CLVS1: variants seen among roughly 807,000 people sequenced by gnomAD.
The protein encoded by CLVS1 is clavesin 1.
A neutral mutation model predicts 33.1 loss-of-function variants in CLVS1; 10 were observed. The ratio of observed to expected loss-of-function variants is 0.30; its 90% confidence interval spans 0.19 to 0.51. CLVS1 has a LOEUF of 0.51. CLVS1 is among the 20% of genes least tolerant of loss of function. CLVS1 has a pLI of 0.97. For missense variants in CLVS1, 343 were observed against 433.4 expected (o/e 0.79, Z 1.85); for synonymous variants, 163 against 166.1 (o/e 0.98, Z 0.14).
intron 2 of CLVS1, among the ~76,000 whole-genome samples, chr8:61,279,401 C>G (rs1809625926): frequency 6.6e-6 from 1 of 152,224 alleles, no homozygotes; most frequent in African/African-American, 2.4e-5. Flanking sequence ...CCAATTCCCT[C>G]TTTTTCTAAT....
At chr8:61,086,816 A>G (rs1391560866) in intron 1 of CLVS1, among the ~76,000 whole-genome samples, 3 of 152,208 alleles carry the variant, frequency 2.0e-5, no homozygotes, top group African/African-American at 7.2e-5. Context: ...AGGAACTATA[A>G]TCCTAACAGT....
chr8:61,112,704 C>A (rs10108877), intron 1 of CLVS1, among the ~76,000 whole-genome samples: 58,535 of 151,958 alleles, frequency 0.39, 12,408 homozygotes, highest in East Asian at 0.82. Flanking sequence ...CTTGATTGAA[C>A]CTCAGACTGG....
At chr8:61,085,328 G>A (rs1805097834) in intron 1 of CLVS1, among the ~76,000 whole-genome samples, 1 of 152,154 alleles carries the variant, frequency 6.6e-6, no homozygotes, top group Admixed American at 6.5e-5. Context: ...AAACATGTAA[G>A]TAGGTCTATG....
chr8:61,500,253 T>TGA lies in CLVS1; in HGVS notation c.*713_*714dup, dbSNP rs1489473148. Reference sequence around the variant, plus strand: ...ATACGATTATTTCATCTGAGCAATGTGAGTTACCACAGGCAGCTCAAAAGC... The same window carrying TGA: ...ATACGATTATTTCATCTGAGCAATGTGAGAGTTACCACAGGCAGCTCAAAAGC... On this transcript the variant is annotated 3_prime_UTR_variant, in exon 6 of 6. Coordinates refer to ENST00000325897, the MANE Select transcript of CLVS1 (RefSeq NM_173519.3). The TGA allele has an allele frequency of 6.6e-6, 1 of 152,274 alleles. No homozygotes were observed. The highest frequency in any genetic ancestry group is 1.5e-5 in the Non-Finnish European group (1 of 68,048). 9.4% of individuals were successfully genotyped at this position (152,274 alleles called of 1,614,324 possible).
intron 1 of CLVS1, among the ~76,000 whole-genome samples, chr8:61,088,339 A>G (rs1805162505): frequency 6.6e-6 from 1 of 152,050 alleles, no homozygotes; most frequent in African/African-American, 2.4e-5. Context: ...AAATACAAAA[A>G]ATTAGCCAGG....
At chr8:61,332,046 G>T (rs1444479736) in intron 2 of CLVS1, among the ~76,000 whole-genome samples, 1 of 152,208 alleles carries the variant, frequency 6.6e-6, no homozygotes, top group Non-Finnish European at 1.5e-5. Context: ...CAGCACGCTA[G>T]CTTTGCATTG....
At position 61,314,933 on chromosome 8, in the gene CLVS1, A is replaced by C. The variant is rs1810961232; in HGVS notation, c.455+14651A>C. ...GAAACCATGGGGAATCCCAATAAAT[A>C]AAGTAAATGATCTGTAGCCGTGCAT... is the stretch of plus-strand genomic sequence containing the variant. On this transcript the variant is annotated intron_variant, in intron 2 of 5. Coordinates refer to ENST00000325897, the MANE Select transcript of CLVS1 (RefSeq NM_173519.3). Among the ~76,000 whole-genome samples the C allele has an allele frequency of 2.6e-5, 4 of 152,326 alleles. No homozygotes were observed. In the South Asian group the frequency reaches 8.3e-4, roughly 32 times the overall value.
intron 3 of CLVS1, among the ~76,000 whole-genome samples, chr8:61,436,353 C>T (rs1419651940): frequency 1.3e-5 from 2 of 152,202 alleles, no homozygotes; most frequent in African/African-American, 4.8e-5. Flanking sequence ...TATTTAGCTG[C>T]ACTTGCCATC....
At chr8:61,332,600 T>G (rs1357849750) in intron 2 of CLVS1, among the ~76,000 whole-genome samples, 1 of 152,224 alleles carries the variant, frequency 6.6e-6, no homozygotes, top group Admixed American at 6.5e-5. Flanking sequence ...TTTACTCTTA[T>G]GTAAATGGAG....
intron 2 of CLVS1, among the ~76,000 whole-genome samples, chr8:61,270,613 G>T (rs984196496): frequency 6.6e-6 from 1 of 152,138 alleles, no homozygotes; most frequent in Non-Finnish European, 1.5e-5. Context: ...TTGTACCTCT[G>T]GTAGAATTCA....
chr8:61,358,352 C>T (rs749811487), intron 2 of CLVS1, among the ~76,000 whole-genome samples: 4 of 152,178 alleles, frequency 2.6e-5, no homozygotes, highest in Non-Finnish European at 4.4e-5. Context: ...ACACTGTGTG[C>T]AAGCCTTGTT....
At chr8:61,023,143 G>A in the CLVS1 span, among the ~76,000 whole-genome samples, 1 of 152,322 alleles carries the variant, frequency 6.6e-6, no homozygotes, top group South Asian at 2.1e-4. Flanking sequence ...TAGGAGATGA[G>A]GATACTACTA....
chr8:61,456,834 C>A (rs369346903), intron 4 of CLVS1, among the ~76,000 whole-genome samples: 20 of 150,814 alleles, frequency 1.3e-4, no homozygotes, highest in African/African-American at 4.9e-4. Context: ...AGGAGAACGG[C>A]ATGAACCTGG....
chr8:61,236,034 T>C (rs1808549704), intron 2 of CLVS1, among the ~76,000 whole-genome samples: 1 of 152,112 alleles, frequency 6.6e-6, no homozygotes, highest in South Asian at 2.1e-4. Flanking sequence ...GAGGGTCCTT[T>C]GTGATCCTCC....
chr8:61,387,929 A>G (rs1445056631), intron 3 of CLVS1, among the ~76,000 whole-genome samples: 2 of 152,212 alleles, frequency 1.3e-5, no homozygotes, highest in African/African-American at 4.8e-5. Flanking sequence ...TTGTGCTGCT[A>G]TAAACATGAA....
intron 5 of CLVS1, among the ~76,000 whole-genome samples, chr8:61,476,644 C>T (rs200665926): frequency 6.6e-6 from 1 of 152,118 alleles, no homozygotes; most frequent in African/African-American, 2.4e-5. Flanking sequence ...TGCACATTGA[C>T]TTTGTATCCT....
chr8:61,123,712 G>A (rs1403802855), intron 1 of CLVS1, among the ~76,000 whole-genome samples: 1 of 152,078 alleles, frequency 6.6e-6, no homozygotes, highest in Non-Finnish European at 1.5e-5. Context: ...CAGGTCAGTC[G>A]GTGTGCATGG....
At chr8:61,109,415 T>C (rs927575056) in intron 1 of CLVS1, among the ~76,000 whole-genome samples, 1 of 152,178 alleles carries the variant, frequency 6.6e-6, no homozygotes, top group South Asian at 2.1e-4. Flanking sequence ...GAAGGACAAA[T>C]GCTTTTTAGC....
intron 1 of CLVS1, among the ~76,000 whole-genome samples, chr8:61,062,707 T>G (rs1162512984): frequency 2.0e-5 from 3 of 152,236 alleles, no homozygotes; most frequent in African/African-American, 7.2e-5. Flanking sequence ...GCATTTTGAC[T>G]GCATTATGGT....
Sources: gnomAD v4.1 joint callset for allele counts (sites outside exome capture counted in the v4.1 genomes callset) on GRCh38, gnomAD v4.1.1 for gene constraint, MANE v1.5 for transcripts, NCBI Gene and HGNC (gene_info 2026-07-23, HGNC 2026-07-21) for gene names.